SLC30A3: variants seen among roughly 807,000 people sequenced by gnomAD.
The protein encoded by SLC30A3 is probable proton-coupled zinc antiporter SLC30A3.
Under a neutral mutation model 35.6 loss-of-function variants are expected in SLC30A3, and 20 were observed. The observed-to-expected ratio is 0.56, with a 90% CI of 0.39 to 0.82. SLC30A3 has a LOEUF of 0.82. Among genes scored for constraint, SLC30A3 ranks in the 40% least tolerant of loss-of-function variants. The pLI is 0.00. For missense variants in SLC30A3, 401 were observed against 530.6 expected (o/e 0.76, Z 2.40); for synonymous variants, 217 against 224.7 (o/e 0.97, Z 0.31).
chr2:27,268,609 C>T (rs1384341894), intron 1 of SLC30A3, among the ~76,000 whole-genome samples: 21 of 152,032 alleles, frequency 1.4e-4, no homozygotes, highest in Non-Finnish European at 1.5e-5. Context: ...AAAAATTAGC[C>T]AAGCGTGGTG....
chr2:27,275,099 A>C, intron 1 of SLC30A3: 1 of 984,866 alleles, frequency 1.0e-6, no homozygotes, highest in South Asian at 1.3e-5. Context: ...AGAAGGAGGG[A>C]CCAAGCGGAG....
chr2:27,272,721 TG>T (rs1236767323), intron 1 of SLC30A3, among the ~76,000 whole-genome samples: 2 of 151,178 alleles, frequency 1.3e-5, no homozygotes, highest in East Asian at 4.0e-4. Flanking sequence ...CCACTGCGCC[TG>T]GCCAACAGCA....
At position 27,258,524 on chromosome 2, in the gene SLC30A3, G is replaced by A. The variant is rs1486292937; in HGVS notation, c.278-217C>T. The A allele has an allele frequency of 3.1e-6, 2 of 654,986 alleles. No individual in the cohort carries two copies. The highest frequency in any genetic ancestry group is 4.9e-6 in the Non-Finnish European group (2 of 404,802). The allele number at this position is 654,986 out of a possible 1,614,324, so 40.6% of individuals were successfully genotyped here. A position where few individuals can be genotyped will look rare whatever the true frequency, so the allele number is the denominator to read the frequency against. On this transcript the variant is annotated intron_variant, in intron 2 of 7. Transcript: ENST00000233535. This position sits in a 1 kb window ranked among gnomAD's most constrained non-coding sequence, Gnocchi z 4.0. ...ATTTATTTTAATAACAAGAAAATAGGGTTTTTAAAAGAAGTCAGCCCTGAC... is the reference window on the plus strand; with the variant it reads ...ATTTATTTTAATAACAAGAAAATAGAGTTTTTAAAAGAAGTCAGCCCTGAC...
At chr2:27,273,092 AGTGT>A (rs58847409) in intron 1 of SLC30A3, among the ~76,000 whole-genome samples, 2,130 of 140,808 alleles carry the variant, frequency 0.015, 46 homozygotes, top group African/African-American at 0.052. Flanking sequence ...ACATATACAC[AGTGT>A]GTGTGTGTGT....
upstream of SLC30A3, among the ~76,000 whole-genome samples, chr2:27,267,209 G>T (rs1255506371): frequency 6.6e-6 from 1 of 152,066 alleles, no homozygotes; most frequent in African/African-American, 2.4e-5. Context: ...TCCTGATCCC[G>T]CCCTTGTCCA....
In SLC30A3 at chr2:27,263,047, T is replaced by C; in HGVS notation, c.-141A>G. The C allele has an allele frequency of 7.3e-7, 1 of 1,368,502 alleles. No individual in the cohort carries two copies. Among genetic ancestry groups the C allele is most frequent in the African/African-American group, 1.5e-5 (1 of 64,944 alleles). The allele number at this position is 1,368,502 out of a possible 1,614,324, so 84.8% of individuals were successfully genotyped here. ...CCAGAGTGGAGCGAACTGCAGCGAC[T>C]GTGGCGCGCGGAGTCCGAACTGCAG... On this transcript the variant is annotated 5_prime_UTR_variant, in exon 1 of 8. Coordinates refer to ENST00000233535, the MANE Select transcript of SLC30A3 (RefSeq NM_003459.5).
chr2:27,275,435 C>T (rs1424317495), upstream of SLC30A3: 1 of 358,896 alleles, frequency 2.8e-6, no homozygotes, highest in African/African-American at 2.1e-5. Context: ...AACGACCTGC[C>T]CAGACCCTCA....
chr2:27,264,170 G>A, upstream of SLC30A3: 3 of 729,004 alleles, frequency 4.1e-6, no homozygotes, highest in Non-Finnish European at 6.3e-6. The surrounding 1 kb of genome is among the most constrained non-coding windows in gnomAD (Gnocchi z 6.1). Flanking sequence ...GGAGGGGAGC[G>A]AGTGAGCAGG....
Position 27,258,629 on chromosome 2 carries a change from G to A in SLC30A3, c.277+124C>T, listed in dbSNP as rs373091433. On this transcript the variant is annotated intron_variant, in intron 2 of 7. Coordinates refer to ENST00000233535, the MANE Select transcript of SLC30A3 (RefSeq NM_003459.5). The surrounding 1 kb of genome is among the most constrained non-coding windows in gnomAD (Gnocchi z 4.0). The stretch of plus-strand genomic sequence containing the variant: ...CTACTTCCTGAGTCCTGGGCACCCA[G>A]CTCCCCTATCCCAGCCATCCCCATC... 1.7e-5 allele frequency: 18 copies of A among 1,088,450 alleles called. No individual in the cohort carries two copies. In the African/African-American group the frequency reaches 2.2e-4, roughly 13 times the overall value. The allele number at this position is 1,088,450 out of a possible 1,614,324, so 67.4% of individuals were successfully genotyped here. A position where few individuals can be genotyped will look rare whatever the true frequency, so the allele number is the denominator to read the frequency against.
chr2:27,260,371 C>T (rs2148129274), intron 1 of SLC30A3, among the ~76,000 whole-genome samples: 1 of 152,238 alleles, frequency 6.6e-6, no homozygotes, highest in South Asian at 2.1e-4. Context: ...CCAGCAGAGC[C>T]CACCTTAACT....
chr2:27,271,210 T>C lies in SLC30A3; in HGVS notation c.-159+3967A>G, dbSNP rs1677713979. ...ATCTCTCTCTCTCCCACTGCATATG[T>C]TCCAGAGCGTGGTATTTTGGGTATA... On this transcript the variant is annotated intron_variant, in intron 1 of 5. Transcript: ENST00000424577. The surrounding 1 kb of genome is among the most constrained non-coding windows in gnomAD (Gnocchi z 4.3). Among the ~76,000 whole-genome samples the C allele has an allele frequency of 6.6e-6, 1 of 152,234 alleles. No homozygotes were observed. Among genetic ancestry groups the C allele is most frequent in the South Asian group, 2.1e-4 (1 of 4,836 alleles).
In SLC30A3 at chr2:27,262,325, C is replaced by A. The variant is rs1243093896; in HGVS notation, c.95+487G>T. Among the ~76,000 whole-genome samples the A allele has an allele frequency of 6.6e-6, 1 of 151,910 alleles. No individual in the cohort carries two copies. Among genetic ancestry groups the A allele is most frequent in the South Asian group, 2.1e-4 (1 of 4,832 alleles). ...AGGGGCCCGCAAGACCCGCGCGGAG[C>A]CCGGCCCATCCTCGGGCCCCGGCGC... is the stretch of plus-strand genomic sequence containing the variant. On this transcript the variant is annotated intron_variant, in intron 1 of 7. Transcript: ENST00000233535. The surrounding 1 kb of genome is among the most constrained non-coding windows in gnomAD (Gnocchi z 7.5).
chr2:27,255,574 G>A lies in SLC30A3; in HGVS notation c.1019-114C>T, dbSNP rs540424942. 17 of 1,153,992 alleles carry A rather than the reference G, an allele frequency of 1.5e-5. No homozygotes were observed. The East Asian group carries it at 3.0e-4, about 20-fold the overall frequency. The allele number at this position is 1,153,992 out of a possible 1,614,324, so 71.5% of individuals were successfully genotyped here. Reference sequence around the variant, plus strand: ...GCATTAAAGCCAGGCGTGAATGGAAGCCTGCTTTTCTTTCTGTATTGTATG... The same window carrying A: ...GCATTAAAGCCAGGCGTGAATGGAAACCTGCTTTTCTTTCTGTATTGTATG... On this transcript the variant is annotated intron_variant, in intron 7 of 7. Coordinates refer to ENST00000233535, the MANE Select transcript of SLC30A3 (RefSeq NM_003459.5). The surrounding 1 kb of genome is among the most constrained non-coding windows in gnomAD (Gnocchi z 5.2).
chr2:27,258,426 G>T lies in SLC30A3; in HGVS notation c.278-119C>A. The T allele has an allele frequency of 2.1e-6, 2 of 945,284 alleles. No individual in the cohort carries two copies. Among genetic ancestry groups the T allele is most frequent in the Non-Finnish European group, 1.5e-6 (1 of 650,740 alleles). 58.6% of individuals were successfully genotyped at this position (945,284 alleles called of 1,614,324 possible). On this transcript the variant is annotated intron_variant, in intron 2 of 7. Coordinates refer to ENST00000233535, the MANE Select transcript of SLC30A3 (RefSeq NM_003459.5). This position sits in a 1 kb window ranked among gnomAD's most constrained non-coding sequence, Gnocchi z 4.0. ...AATGTGATTTGGGGTTTTCTCAGGT[G>T]ATGGGACTACAGGTATAATTAACTA...
rs778162356 is a variant in SLC30A3, at chr2:27,262,955, G to A, written c.-49C>T. 1.3e-5 allele frequency: 19 copies of A among 1,472,058 alleles called. No homozygotes were observed. The African/African-American group carries it at 1.5e-4, about 12-fold the overall frequency. The allele number at this position is 1,472,058 out of a possible 1,614,324, so 91.2% of individuals were successfully genotyped here. A position where few individuals can be genotyped will look rare whatever the true frequency, so the allele number is the denominator to read the frequency against. ...GGCCCCACCGAGGAAGAGAGAGGCC[G>A]GGCCGGCCCCGCGCCAAGTCCGAGC... is the stretch of plus-strand genomic sequence containing the variant. On this transcript the variant is annotated 5_prime_UTR_variant, in exon 1 of 8. Transcript: ENST00000233535. This position sits in a 1 kb window ranked among gnomAD's most constrained non-coding sequence, Gnocchi z 7.5.
At chr2:27,264,721 C>T (rs1341935583), upstream of SLC30A3, among the ~76,000 whole-genome samples, 1 of 152,248 alleles carries the variant, frequency 6.6e-6, no homozygotes, top group Non-Finnish European at 1.5e-5. The surrounding 1 kb of genome is among the most constrained non-coding windows in gnomAD (Gnocchi z 6.1). Flanking sequence ...TCCCTCTAAC[C>T]TCCCTTTAAG....
In SLC30A3 at chr2:27,262,853, G is replaced by A. The variant is rs753583633; in HGVS notation, c.54C>T (p.Pro18=). 34 of 1,566,098 alleles carry A rather than the reference G, an allele frequency of 2.2e-5. No homozygotes were observed. Among genetic ancestry groups the A allele is most frequent in the African/African-American group, 2.0e-4 (14 of 70,118 alleles). Residue 18 remains proline, a synonymous_variant, in exon 1 of 8, where the codon CCC becomes CCT. Coordinates refer to ENST00000233535, the MANE Select transcript of SLC30A3 (RefSeq NM_003459.5). This position sits in a 1 kb window ranked among gnomAD's most constrained non-coding sequence, Gnocchi z 7.5. ...TGCCTCCGGCGCCACCGCGGTCCCG[G>A]GGGCTCACCAGGCGAGTGGTCTCCA... The part of the protein sequence containing the change: ...GGLETTRLVS[P]RDRGGAGGSL...
rs780429037 is a variant in SLC30A3 at position 27,255,492 on chromosome 2, C to T, written c.1019-32G>A. 14 of 1,606,488 alleles carry T rather than the reference C, an allele frequency of 8.7e-6. No individual in the cohort carries two copies. Among genetic ancestry groups the T allele is most frequent in the Admixed American group, 8.6e-5 (5 of 58,222 alleles). On this transcript the variant is annotated intron_variant, in intron 7 of 7. Transcript: ENST00000233535. This position sits in a 1 kb window ranked among gnomAD's most constrained non-coding sequence, Gnocchi z 5.2. Reference sequence around the variant, plus strand: ...GAGAGTGATAAGAGGCGGCATCCATCCCGGGGGAGAAAGAACAGGCAGGGA... The same window carrying T: ...GAGAGTGATAAGAGGCGGCATCCATTCCGGGGGAGAAAGAACAGGCAGGGA...
At position 27,275,324 on chromosome 2, in the gene SLC30A3, G is replaced by A. The variant is rs932862571; in HGVS notation, c.-306C>T. The stretch of plus-strand genomic sequence containing the variant: ...CAGCAACGCTCCTACGCTGCCTTGG[G>A]CCGCAGGCCTGCTAAGCCCTCCGCT... On this transcript the variant is annotated 5_prime_UTR_variant, in exon 1 of 6. Coordinates refer to the SLC30A3 transcript ENST00000424577. 49 of 793,180 alleles carry A rather than the reference G, an allele frequency of 6.2e-5. No homozygotes were observed. In the African/African-American group the frequency reaches 8.6e-4, roughly 14 times the overall value. The allele number at this position is 793,180 out of a possible 1,614,324, so 49.1% of individuals were successfully genotyped here.
Sources: gnomAD v4.1 joint callset for allele counts (sites outside exome capture counted in the v4.1 genomes callset) on GRCh38, gnomAD v4.1.1 for gene constraint, Gnocchi (gnomAD v3.1) non-coding constraint, MANE v1.5 for transcripts, NCBI Gene and HGNC (gene_info 2026-07-23, HGNC 2026-07-21) for gene names.